Variants in SLC35F4 observed in about 807,000 individuals in gnomAD.
SLC35F4 encodes chromosome 14 open reading frame 36.
SLC35F4 carries 24 observed loss-of-function variants against 44.2 expected under a neutral mutation model. The observed-to-expected ratio is 0.54, with a 90% CI of 0.39 to 0.76. The LOEUF (loss-of-function observed/expected upper bound fraction) is 0.76, where lower values mean the gene tolerates loss of function less well. Ranked by LOEUF, SLC35F4 falls within the 30% of genes least tolerant of loss-of-function variation. The pLI, the probability that SLC35F4 is intolerant of heterozygous loss-of-function variation, is 0.00. For missense variants in SLC35F4, 562 were observed against 586.1 expected, an observed-to-expected ratio of 0.96 and a Z score of 0.42; for synonymous variants, 238 against 223.6, an observed-to-expected ratio of 1.06 and a Z score of -0.57.
intron 1 of SLC35F4, among the ~76,000 whole-genome samples, chr14:57,770,682 T>C (rs190401705): frequency 2.8e-4 from 42 of 152,298 alleles, no homozygotes; most frequent in Non-Finnish European, 1.0e-4. Context: ...GGGATTTGCA[T>C]ATTTGTGATT....
chr14:57,737,036 T>C (rs2076481183), intron 1 of SLC35F4, among the ~76,000 whole-genome samples: 1 of 152,122 alleles, frequency 6.6e-6, no homozygotes, highest in South Asian at 2.1e-4. Flanking sequence ...TTACTTAGTG[T>C]TTTTGCTAGA....
intron 1 of SLC35F4, among the ~76,000 whole-genome samples, chr14:57,816,908 T>C (rs774544815): frequency 1.2e-4 from 18 of 152,210 alleles, no homozygotes; most frequent in Non-Finnish European, 2.6e-4. Context: ...TCCTCTGTTT[T>C]ATTCTTTTGA....
At chr14:57,707,701 G>A (rs920828350) in intron 1 of SLC35F4, among the ~76,000 whole-genome samples, 1 of 152,156 alleles carries the variant, frequency 6.6e-6, no homozygotes, top group Non-Finnish European at 1.5e-5. Flanking sequence ...TGGGTAATGG[G>A]CAGAGGTTGC....
chr14:57,742,598 A>G, intron 1 of SLC35F4, among the ~76,000 whole-genome samples: 1 of 152,176 alleles, frequency 6.6e-6, no homozygotes, highest in East Asian at 1.9e-4. Context: ...GTACAAAGAG[A>G]CTAAGACTCC....
At chr14:57,657,610 G>A (rs189939175) in intron 1 of SLC35F4, among the ~76,000 whole-genome samples, 12 of 152,080 alleles carry the variant, frequency 7.9e-5, no homozygotes, top group Non-Finnish European at 1.5e-4. Context: ...AAATTGCATC[G>A]CACGTGAGAT....
chr14:57,578,325 G>GTTTTTTTTTTTTTTTTT lies in SLC35F4; in HGVS notation c.807+2872_807+2888dup, dbSNP rs199785589. On this transcript the variant is annotated intron_variant, in intron 4 of 7. Transcript: ENST00000556826. ...GATGACTGAAAGCATCCCTTTAACT[G>GTTTTTTTTTTTTTTTTT]TTTTTTTTTTTTTTTTTTTTTTTTT... 1.9e-3 allele frequency among the ~76,000 whole-genome samples: 82 copies of GTTTTTTTTTTTTTTTTT among 43,164 alleles called. 29 individuals carry two copies. Among genetic ancestry groups the GTTTTTTTTTTTTTTTTT allele is most frequent in the Non-Finnish European group, 2.6e-3 (57 of 21,764 alleles). 28.3% of individuals were successfully genotyped at this position (43,164 alleles called of 152,430 possible).
At chr14:57,583,837 A>G (rs544880557) in intron 3 of SLC35F4, among the ~76,000 whole-genome samples, 1 of 152,180 alleles carries the variant, frequency 6.6e-6, no homozygotes, top group African/African-American at 2.4e-5. Flanking sequence ...TGAAAAAAAA[A>G]TATGGATTTT....
At chr14:57,855,025 A>C (rs1337216888) in intron 1 of SLC35F4, among the ~76,000 whole-genome samples, 1 of 152,208 alleles carries the variant, frequency 6.6e-6, no homozygotes, top group African/African-American at 2.4e-5. Context: ...ACAAGCAAAA[A>C]GTGAGCATGG....
chr14:57,914,336 G>A (rs2141053469), intron 1 of SLC35F4, among the ~76,000 whole-genome samples: 1 of 152,270 alleles, frequency 6.6e-6, no homozygotes, highest in South Asian at 2.1e-4. Flanking sequence ...GGCTGAGGTG[G>A]CCAGATCACA....
chr14:57,776,980 C>T (rs1230407578), intron 1 of SLC35F4, among the ~76,000 whole-genome samples: 1 of 152,110 alleles, frequency 6.6e-6, no homozygotes, highest in African/African-American at 2.4e-5. Context: ...GGTTATCAGC[C>T]ACTAAAAAAC....
At chr14:57,796,880 A>C (rs1157060322) in intron 1 of SLC35F4, among the ~76,000 whole-genome samples, 6 of 152,340 alleles carry the variant, frequency 3.9e-5, no homozygotes, top group Middle Eastern at 3.4e-3. Flanking sequence ...TTTCACTGGG[A>C]ATCTCAGATG....
chr14:57,980,628 G>T (rs893559389), intron 1 of SLC35F4, among the ~76,000 whole-genome samples: 5 of 143,862 alleles, frequency 3.5e-5, no homozygotes, highest in African/African-American at 1.4e-4. Flanking sequence ...CTGGTTTGTG[G>T]GCGTACACAT....
At chr14:57,636,623 C>G (rs2073028125) in intron 1 of SLC35F4, among the ~76,000 whole-genome samples, 1 of 152,020 alleles carries the variant, frequency 6.6e-6, no homozygotes, top group Non-Finnish European at 1.5e-5. Flanking sequence ...TAAACACTTG[C>G]TATGGGTCAG....
intron 1 of SLC35F4, among the ~76,000 whole-genome samples, chr14:57,912,926 C>T (rs566246346): frequency 6.6e-6 from 1 of 151,958 alleles, no homozygotes; most frequent in African/African-American, 2.4e-5. Context: ...GGTTTCTTTC[C>T]TCACATATTT....
chr14:57,604,435 A>T (rs920481196), intron 1 of SLC35F4, among the ~76,000 whole-genome samples: 5 of 152,234 alleles, frequency 3.3e-5, no homozygotes. Flanking sequence ...ATTATAAAAC[A>T]CTGCTGAAAG....
intron 1 of SLC35F4, among the ~76,000 whole-genome samples, chr14:57,673,881 A>G (rs748432986): frequency 5.3e-5 from 8 of 152,098 alleles, no homozygotes; most frequent in Admixed American, 1.3e-4. Flanking sequence ...TAATAAGACT[A>G]CTAATCTAAC....
At chr14:57,609,648 T>C (rs2071375538) in intron 1 of SLC35F4, among the ~76,000 whole-genome samples, 1 of 152,236 alleles carries the variant, frequency 6.6e-6, no homozygotes, top group South Asian at 2.1e-4. Flanking sequence ...AGGCAGCTCT[T>C]GCAGTTTGTT....
intron 1 of SLC35F4, among the ~76,000 whole-genome samples, chr14:57,936,246 T>C (rs1192483571): frequency 1.3e-4 from 20 of 152,234 alleles, no homozygotes; most frequent in Admixed American, 1.3e-3. Flanking sequence ...ATGGATCAGA[T>C]GTATTTTACT....
In SLC35F4 at chr14:57,794,720, T is replaced by C. The variant is rs372829058; in HGVS notation, c.103+71003A>G. Among the ~76,000 whole-genome samples the C allele has an allele frequency of 7.9e-5, 12 of 152,172 alleles. No homozygotes were observed. In the South Asian group the frequency reaches 2.1e-3, roughly 26 times the overall value. ...CATTCATCATTCTGGCCACTTGACCTGGGACAAAACTGCTTCTTTGGGTGT... is the reference window on the plus strand; with the variant it reads ...CATTCATCATTCTGGCCACTTGACCCGGGACAAAACTGCTTCTTTGGGTGT... On this transcript the variant is annotated intron_variant, in intron 1 of 7. Coordinates refer to ENST00000556826, the MANE Select transcript of SLC35F4 (RefSeq NM_001306087.2).
Sources: gnomAD v4.1 joint callset for allele counts (sites outside exome capture counted in the v4.1 genomes callset) on GRCh38, gnomAD v4.1.1 for gene constraint, MANE v1.5 for transcripts, NCBI Gene and HGNC (gene_info 2026-07-23, HGNC 2026-07-21) for gene names.